Variants in PHACTR2 observed in about 807,000 individuals in gnomAD.
The protein encoded by PHACTR2 is phosphatase and actin regulator 2.
A neutral mutation model predicts 76.0 loss-of-function variants in PHACTR2; 30 were observed. The ratio of observed to expected loss-of-function variants is 0.39; its 90% CI spans 0.30 to 0.54. The LOEUF is 0.54. Among genes scored for constraint, PHACTR2 ranks in the 20% least tolerant of loss-of-function variants. The pLI, the probability that PHACTR2 is intolerant of heterozygous loss-of-function variation, is 0.61. For synonymous variants in PHACTR2, 292 were observed against 292.5 expected (o/e 1.00, Z 0.02); for missense variants, 696 against 781.1 (o/e 0.89, Z 1.30).
intron 1 of PHACTR2, among the ~76,000 whole-genome samples, chr6:143,567,219 GT>G: frequency 6.6e-6 from 1 of 152,150 alleles, no homozygotes; most frequent in Admixed American, 6.5e-5. Context: ...TGCAGATGTG[GT>G]TTAAGTGTGT....
chr6:143,711,095 G>A, intron 1 of PHACTR2: 1 of 512,880 alleles, frequency 1.9e-6, no homozygotes, highest in Non-Finnish European at 3.9e-6. Flanking sequence ...ATGAGTTTTG[G>A]GTAATCCAAC....
At chr6:143,626,549 A>AAAAAAAAAAAAAAAAAAAC (rs1776263927) in intron 1 of PHACTR2, among the ~76,000 whole-genome samples, 1 of 151,824 alleles carries the variant, frequency 6.6e-6, no homozygotes, top group African/African-American at 2.4e-5. Context: ...AAAAAAAAAA[A>AAAAAAAAAAAAAAAAAAAC]AATTAGCACA....
rs75528575 is a variant in PHACTR2, at chr6:143,680,798, T to TC, written c.46+2590dup. Among the ~76,000 whole-genome samples the TC allele has an allele frequency of 0.2, 30,166 of 152,132 alleles. 3,076 individuals are homozygous for TC. Among genetic ancestry groups the TC allele is most frequent in the East Asian group, 0.37 (1,919 of 5,172 alleles). ...GGGCTCTACCTTAATGAAACACTAA[T>TC]CAACTTTTCTGTCTCTATAGATTTT... On this transcript the variant is annotated intron_variant, in intron 1 of 12. Coordinates refer to ENST00000440869, the MANE Select transcript of PHACTR2 (RefSeq NM_001100164.2). The surrounding 1 kb of genome is among the most constrained non-coding windows in gnomAD (Gnocchi z 4.5).
intron 1 of PHACTR2, among the ~76,000 whole-genome samples, chr6:143,632,836 T>C (rs1280750392): frequency 6.6e-6 from 1 of 152,186 alleles, no homozygotes; most frequent in African/African-American, 2.4e-5. Context: ...TTTCAGAACA[T>C]CATATAGTTG....
At chr6:143,788,102 G>A (rs1489808570) in intron 10 of PHACTR2, among the ~76,000 whole-genome samples, 2 of 152,356 alleles carry the variant, frequency 1.3e-5, no homozygotes. Flanking sequence ...AGGAACCGAA[G>A]TTGTTAGAAG....
At chr6:143,701,122 A>G (rs570727523) in intron 1 of PHACTR2, among the ~76,000 whole-genome samples, 142 of 152,332 alleles carry the variant, frequency 9.3e-4, no homozygotes, top group African/African-American at 3.3e-3. Context: ...TCCTGTAGCA[A>G]GTCTAGGGGA....
At position 143,807,449 on chromosome 6, in the gene PHACTR2, A is replaced by G. The variant is rs950122131; in HGVS notation, c.1922+316A>G. ...TCCTTCAAGAACACTAAAACTAATC[A>G]TGCTGAATAAGAATTTCTAAAATTA... On this transcript the variant is annotated intron_variant, in intron 12 of 12. Coordinates refer to ENST00000440869, the MANE Select transcript of PHACTR2 (RefSeq NM_001100164.2). This position sits in a 1 kb window ranked among gnomAD's most constrained non-coding sequence, Gnocchi z 5.5. Among the ~76,000 whole-genome samples, 1 of 152,212 alleles carries G rather than the reference A, an allele frequency of 6.6e-6. No individual in the cohort carries two copies. The highest frequency in any genetic ancestry group is 6.5e-5 in the Admixed American group (1 of 15,286).
At position 143,760,104 on chromosome 6, in the gene PHACTR2, C is replaced by T. The variant is rs144366890; in HGVS notation, c.455-297C>T. 1.2e-3 allele frequency among the ~76,000 whole-genome samples: 186 copies of T among 152,326 alleles called. No homozygotes were observed. The highest frequency in any genetic ancestry group is 3.4e-3 in the Middle Eastern group (1 of 294). ...TCATCCAGCAACCCCAGATCCAAGG[C>T]TGGAACTGAGGCCCCTGACTGCAAA... On this transcript the variant is annotated intron_variant, in intron 4 of 12. Transcript: ENST00000440869. This position sits in a 1 kb window ranked among gnomAD's most constrained non-coding sequence, Gnocchi z 6.4.
chr6:143,545,354 AT>A (rs1323487641), intron 1 of PHACTR2, among the ~76,000 whole-genome samples: 1 of 152,226 alleles, frequency 6.6e-6, no homozygotes, highest in African/African-American at 2.4e-5. Context: ...AAAGGAAGTC[AT>A]AAGTGTCAGT....
intron 1 of PHACTR2, among the ~76,000 whole-genome samples, chr6:143,568,820 GA>G (rs1775398529): frequency 6.6e-6 from 1 of 152,196 alleles, no homozygotes; most frequent in Middle Eastern, 3.2e-3. Flanking sequence ...GGTATGAGCA[GA>G]GGGGAATTAT....
intron 6 of PHACTR2, among the ~76,000 whole-genome samples, chr6:143,771,190 GTGTGTA>G (rs1244452589): frequency 1.3e-4 from 3 of 22,448 alleles, no homozygotes; most frequent in Admixed American, 5.6e-4. Flanking sequence ...ATATATATAT[GTGTGTA>G]TATATATATA....
In PHACTR2 at chr6:143,596,376, A is replaced by G. The variant is rs1317313227; in HGVS notation, c.217+59169A>G. Among the ~76,000 whole-genome samples, 1 of 151,676 alleles carries G rather than the reference A, an allele frequency of 6.6e-6. No homozygotes were observed. The highest frequency in any genetic ancestry group is 2.4e-5 in the African/African-American group (1 of 41,252). ...TGGTGATCTTGTTATTGAGGCTCAC[A>G]TTTACCTGAACTGCATTAAGAGAGA... On this transcript the variant is annotated intron_variant, in intron 1 of 11. Coordinates refer to the PHACTR2 transcript ENST00000367584. This position sits in a 1 kb window ranked among gnomAD's most constrained non-coding sequence, Gnocchi z 4.6.
Position 143,783,145 on chromosome 6 carries a change from G to A in PHACTR2, c.1646-74G>A. 1.2e-6 allele frequency: 1 copy of A among 830,166 alleles called. No homozygotes were observed. The highest frequency in any genetic ancestry group is 2.0e-6 in the Non-Finnish European group (1 of 488,968). The allele number at this position is 830,166 out of a possible 1,614,324, so 51.4% of individuals were successfully genotyped here. On this transcript the variant is annotated intron_variant, in intron 9 of 12. Coordinates refer to ENST00000440869, the MANE Select transcript of PHACTR2 (RefSeq NM_001100164.2). This position sits in a 1 kb window ranked among gnomAD's most constrained non-coding sequence, Gnocchi z 5.2. ...TTATTTGTTAGAGTCACATGATCGT[G>A]GCCTGATACACTTTTCTGAATATGA...
chr6:143,644,943 C>T (rs898205688), intron 1 of PHACTR2, among the ~76,000 whole-genome samples: 2 of 152,080 alleles, frequency 1.3e-5, no homozygotes, highest in Non-Finnish European at 2.9e-5. Flanking sequence ...GTATACACTG[C>T]ACCCCATTTG....
intron 1 of PHACTR2, among the ~76,000 whole-genome samples, chr6:143,538,105 C>G (rs1781135574): frequency 6.6e-6 from 1 of 152,134 alleles, no homozygotes; most frequent in Admixed American, 6.5e-5. Context: ...CACACACACA[C>G]ACACACACAA....
At chr6:143,711,900 G>A (rs758986838) in intron 1 of PHACTR2, 116 bp from the exon 2 acceptor site, 4 of 888,292 alleles carry the variant, frequency 4.5e-6, no homozygotes, top group Non-Finnish European at 7.6e-6. Context: ...AACTTTATGT[G>A]AGATTCCAAT....
Position 143,561,242 on chromosome 6 carries a change from C to T in PHACTR2, c.217+24035C>T, listed in dbSNP as rs924811307. On this transcript the variant is annotated intron_variant, in intron 1 of 11. Transcript: ENST00000367584. This position sits in a 1 kb window ranked among gnomAD's most constrained non-coding sequence, Gnocchi z 4.1. The stretch of plus-strand genomic sequence containing the variant: ...TGCCCCTCTGAGCTCATTTCCCCTC[C>T]TCACCCTGTGATGACAGTCTTAGCA... 4 of 152,328 alleles carry T rather than the reference C, an allele frequency of 2.6e-5. No individual in the cohort carries two copies. The highest frequency in any genetic ancestry group is 4.8e-5 in the African/African-American group (2 of 41,464). The allele number at this position is 152,328 out of a possible 1,614,324, so 9.4% of individuals were successfully genotyped here. A position where few individuals can be genotyped will look rare whatever the true frequency, so the allele number is the denominator to read the frequency against.
At chr6:143,612,990 CT>C (rs747702538) in intron 1 of PHACTR2, among the ~76,000 whole-genome samples, 6 of 151,904 alleles carry the variant, frequency 3.9e-5, no homozygotes, top group Non-Finnish European at 2.9e-5. Context: ...TTTTGTTTTT[CT>C]TTTTTTTGAG....
At chr6:143,603,298 T>C (rs1775833728), upstream of PHACTR2, among the ~76,000 whole-genome samples, 1 of 151,486 alleles carries the variant, frequency 6.6e-6, no homozygotes, top group South Asian at 2.1e-4. Flanking sequence ...ACCATTGCAA[T>C]AGGTATAGGG....
Sources: gnomAD v4.1 joint callset for allele counts (sites outside exome capture counted in the v4.1 genomes callset) on GRCh38, gnomAD v4.1.1 for gene constraint, Gnocchi (gnomAD v3.1) non-coding constraint, MANE v1.5 for transcripts, NCBI Gene and HGNC (gene_info 2026-07-23, HGNC 2026-07-21) for gene names.